ADAMTSL1: variants seen among roughly 807,000 people sequenced by gnomAD.
The protein encoded by ADAMTSL1 is ADAMTS-like protein 1.
A neutral mutation model predicts 201.8 loss-of-function variants in ADAMTSL1; 126 were observed. The observed-to-expected ratio is 0.62, with a 90% CI of 0.54 to 0.72. ADAMTSL1 has a LOEUF of 0.72. Ranked by LOEUF, ADAMTSL1 falls within the 30% of genes least tolerant of loss-of-function variation. The pLI, the probability that ADAMTSL1 is intolerant of heterozygous loss-of-function variation, is 0.00. For missense variants in ADAMTSL1, 2,679 were observed against 2,277.8 expected, an observed-to-expected ratio of 1.18 and a Z score of -3.59; for synonymous variants, 1,121 against 903.4, an observed-to-expected ratio of 1.24 and a Z score of -4.32.
At chr9:18,895,808 T>C (rs1829598872) in intron 26 of ADAMTSL1, among the ~76,000 whole-genome samples, 1 of 152,180 alleles carries the variant, frequency 6.6e-6, no homozygotes, top group East Asian at 1.9e-4. Context: ...AAATGCCCAA[T>C]TTTCAGCAAT....
rs1364798404 is a variant in ADAMTSL1 at position 17,978,586 on chromosome 9, C to G, written c.87+71664C>G. 2.6e-5 allele frequency among the ~76,000 whole-genome samples: 4 copies of G among 151,612 alleles called. 1 individual carries two copies. ...ACACTATACTTTTTATTTCTCCCTC[C>G]ACATTTTATGTTTTTACTGTCATAA... On this transcript the variant is annotated intron_variant, in intron 1 of 29. Coordinates refer to the ADAMTSL1 transcript ENST00000680146.
chr9:18,474,229 A>C lies in ADAMTSL1; in HGVS notation c.-4A>C. 1 of 1,614,122 alleles carries C rather than the reference A, an allele frequency of 6.2e-7. No homozygotes were observed. Among genetic ancestry groups the C allele is most frequent in the East Asian group, 2.2e-5 (1 of 44,884 alleles). ...CCGATTCTGATTCCGGCAAGGATCC[A>C]AGCATGGAATGCTGCCGTCGGGCAA... On this transcript the variant is annotated 5_prime_UTR_variant, in exon 1 of 29. Transcript: ENST00000380548.
At chr9:18,211,811 A>T (rs946614157) in intron 2 of ADAMTSL1, among the ~76,000 whole-genome samples, 2 of 152,212 alleles carry the variant, frequency 1.3e-5, no homozygotes, top group Non-Finnish European at 2.9e-5. Context: ...TGTTCCATTG[A>T]AAATCAGATA....
intron 4 of ADAMTSL1, among the ~76,000 whole-genome samples, chr9:18,592,605 T>C (rs947721003): frequency 2.0e-5 from 3 of 152,158 alleles, no homozygotes; most frequent in African/African-American, 4.8e-5. Flanking sequence ...CTCAGTACCA[T>C]GCTATTTTCG....
chr9:18,441,561 G>A (rs538884013), intron 2 of ADAMTSL1, among the ~76,000 whole-genome samples: 10 of 152,220 alleles, frequency 6.6e-5, no homozygotes, highest in East Asian at 1.9e-4. Flanking sequence ...GGACTGCCAC[G>A]GGAAGGAAAA....
chr9:18,029,636 G>T (rs908460473), intron 1 of ADAMTSL1, among the ~76,000 whole-genome samples: 1 of 151,442 alleles, frequency 6.6e-6, no homozygotes, highest in Non-Finnish European at 1.5e-5. Context: ...GAAAATTTTC[G>T]CAACCTACTC....
chr9:17,952,749 A>T (rs1380877498), intron 1 of ADAMTSL1, among the ~76,000 whole-genome samples: 1 of 151,798 alleles, frequency 6.6e-6, no homozygotes. Context: ...CTGGTCTCGA[A>T]CTCCTGGACT....
intron 3 of ADAMTSL1, among the ~76,000 whole-genome samples, chr9:18,571,267 A>C (rs58504170): frequency 6.6e-6 from 1 of 152,194 alleles, no homozygotes; most frequent in East Asian, 1.9e-4. Context: ...GAGGTCTCTT[A>C]ATTATATCTT....
chr9:18,504,958 T>C lies in ADAMTSL1; in HGVS notation c.191+2T>C, dbSNP rs1172503584. The C allele has an allele frequency of 6.2e-7, 1 of 1,606,396 alleles. No individual in the cohort carries two copies. Among genetic ancestry groups the C allele is most frequent in the Non-Finnish European group, 8.5e-7 (1 of 1,178,822 alleles). On this transcript the variant is annotated splice_donor_variant, in intron 2 of 28. Coordinates refer to ENST00000380548, the MANE Select transcript of ADAMTSL1 (RefSeq NM_001040272.6). LOFTEE classifies it high-confidence loss of function. ...TCTGAGGCGCTGCCTGAGCAGCAAG[T>C]AAGTCCTGCACCCGTTGGGGGTCTT...
intron 1 of ADAMTSL1, among the ~76,000 whole-genome samples, chr9:18,097,252 A>T (rs892672262): frequency 6.6e-6 from 1 of 152,174 alleles, no homozygotes; most frequent in African/African-American, 2.4e-5. Context: ...GTGTATAAAT[A>T]TTGCTGTGTA....
At chr9:18,772,129 T>G (rs1820727353) in intron 17 of ADAMTSL1, among the ~76,000 whole-genome samples, 1 of 152,188 alleles carries the variant, frequency 6.6e-6, no homozygotes. Flanking sequence ...AATTTTTCCG[T>G]GGGAATGTTG....
At chr9:18,425,885 T>A (rs960216434) in intron 2 of ADAMTSL1, among the ~76,000 whole-genome samples, 2 of 146,090 alleles carry the variant, frequency 1.4e-5, no homozygotes, top group African/African-American at 5.0e-5. Flanking sequence ...AAAAGACGTG[T>A]ATAGATTCGG....
At chr9:18,908,336 C>A in intron 28 of ADAMTSL1, 106 bp from the exon 29 acceptor site, 1 of 922,600 alleles carries the variant, frequency 1.1e-6, no homozygotes, top group Non-Finnish European at 1.7e-6. Flanking sequence ...CAGGATGTAC[C>A]CCAGTGGCTG....
At chr9:17,907,284 C>A (rs1009734235) in intron 1 of ADAMTSL1, among the ~76,000 whole-genome samples, 15 of 152,146 alleles carry the variant, frequency 9.9e-5, no homozygotes, top group Non-Finnish European at 1.9e-4. Flanking sequence ...CAGTCCTTCG[C>A]GGAGCCCCCT....
intron 4 of ADAMTSL1, among the ~76,000 whole-genome samples, chr9:18,591,446 T>C (rs1199351783): frequency 4.6e-5 from 7 of 152,186 alleles, no homozygotes; most frequent in African/African-American, 7.2e-5. Context: ...AGCGTATAGT[T>C]GGGCCTTATT....
intron 1 of ADAMTSL1, among the ~76,000 whole-genome samples, chr9:17,957,978 A>G (rs1827995459): frequency 6.6e-6 from 1 of 152,136 alleles, no homozygotes; most frequent in Admixed American, 6.6e-5. Context: ...TGTTGTTTGA[A>G]GCCTCCCAGT....
chr9:18,109,009 G>A (rs1824884411), intron 1 of ADAMTSL1, among the ~76,000 whole-genome samples: 1 of 152,064 alleles, frequency 6.6e-6, no homozygotes, highest in South Asian at 2.1e-4. Context: ...ATTACTCAGT[G>A]CTATAGTTTT....
At chr9:18,051,620 T>C (rs1821946036) in intron 1 of ADAMTSL1, among the ~76,000 whole-genome samples, 1 of 152,192 alleles carries the variant, frequency 6.6e-6, no homozygotes, top group African/African-American at 2.4e-5. Flanking sequence ...AGGCTATTCA[T>C]TTTTTATTTA....
chr9:17,980,193 A>C (rs914726100), intron 1 of ADAMTSL1, among the ~76,000 whole-genome samples: 1 of 152,098 alleles, frequency 6.6e-6, no homozygotes, highest in African/African-American at 2.4e-5. Context: ...CAGATGCTAT[A>C]ATTTCTCACC....
Sources: gnomAD v4.1 joint callset for allele counts (sites outside exome capture counted in the v4.1 genomes callset) on GRCh38, gnomAD v4.1.1 for gene constraint, MANE v1.5 for transcripts, NCBI Gene and HGNC (gene_info 2026-07-23, HGNC 2026-07-21) for gene names.